Variants in ENTREP2 observed in about 807,000 individuals in gnomAD.
ENTREP2 encodes protein ENTREP2.
At chr15:29,192,252 T>C in the ENTREP2 span, among the ~76,000 whole-genome samples, 1 of 152,142 alleles carries the variant, frequency 6.6e-6, no homozygotes, top group Non-Finnish European at 1.5e-5. Context: ...TTGGCTGACT[T>C]TCAGATTTTT....
chr15:29,370,666 C>G, the ENTREP2 span, among the ~76,000 whole-genome samples: 2 of 152,066 alleles, frequency 1.3e-5, no homozygotes, highest in African/African-American at 2.4e-5. Flanking sequence ...TACCCCGGCC[C>G]TATGCCAAGA....
the ENTREP2 span, among the ~76,000 whole-genome samples, chr15:29,539,023 T>C: frequency 6.6e-6 from 1 of 152,222 alleles, no homozygotes; most frequent in Non-Finnish European, 1.5e-5. Flanking sequence ...CAGCTGCACC[T>C]TCCCTGCTGG....
chr15:29,310,754 A>T, the ENTREP2 span, among the ~76,000 whole-genome samples: 2 of 152,184 alleles, frequency 1.3e-5, no homozygotes, highest in African/African-American at 4.8e-5. Flanking sequence ...AGAAACATCA[A>T]CCCAGACGCC....
At chr15:29,285,160 G>A in the ENTREP2 span, among the ~76,000 whole-genome samples, 1 of 152,174 alleles carries the variant, frequency 6.6e-6, no homozygotes, top group Non-Finnish European at 1.5e-5. Flanking sequence ...ACGCTGGAGT[G>A]GGGGCTCTTT....
At chr15:29,382,837 C>T in the ENTREP2 span, among the ~76,000 whole-genome samples, 2 of 152,178 alleles carry the variant, frequency 1.3e-5, no homozygotes, top group African/African-American at 4.8e-5. Flanking sequence ...ACAGTCACTT[C>T]CCACCCACTA....
the ENTREP2 span, among the ~76,000 whole-genome samples, chr15:29,438,368 G>GA: frequency 6.6e-6 from 1 of 152,210 alleles, no homozygotes; most frequent in Non-Finnish European, 1.5e-5. Context: ...TGTGCAAAAC[G>GA]AAAGCAGAGC....
the ENTREP2 span, among the ~76,000 whole-genome samples, chr15:29,322,604 A>G: frequency 6.6e-6 from 1 of 152,260 alleles, no homozygotes; most frequent in Admixed American, 6.5e-5. Context: ...AGCTAAAGAT[A>G]AAAGGCCAGA....
At chr15:29,407,321 A>T in the ENTREP2 span, among the ~76,000 whole-genome samples, 1 of 152,124 alleles carries the variant, frequency 6.6e-6, no homozygotes, top group Non-Finnish European at 1.5e-5. Flanking sequence ...ATCTCATGGG[A>T]CCACCATTGT....
At chr15:29,145,622 C>CAAAA in the ENTREP2 span, among the ~76,000 whole-genome samples, 1,506 of 56,158 alleles carry the variant, frequency 0.027, 117 homozygotes, top group African/African-American at 0.081. Context: ...GACTCCATCT[C>CAAAA]AAAAAAAAAA....
chr15:29,211,449 C>T, the ENTREP2 span, among the ~76,000 whole-genome samples: 82 of 152,310 alleles, frequency 5.4e-4, 1 homozygote, highest in Admixed American at 9.2e-4. Context: ...TAGGACAAAT[C>T]GTTTTCAGAA....
chr15:29,156,866 G>A, the ENTREP2 span, among the ~76,000 whole-genome samples: 4 of 152,114 alleles, frequency 2.6e-5, no homozygotes, highest in Admixed American at 6.5e-5. Context: ...CATGCGAGGC[G>A]GGAGGATCAC....
At chr15:29,657,904 A>G in the ENTREP2 span, among the ~76,000 whole-genome samples, 1 of 152,192 alleles carries the variant, frequency 6.6e-6, no homozygotes, top group South Asian at 2.1e-4. Context: ...CTCAGCAGTA[A>G]AAAAGGAATG....
the ENTREP2 span, among the ~76,000 whole-genome samples, chr15:29,296,784 G>A: frequency 6.6e-6 from 1 of 152,102 alleles, no homozygotes; most frequent in Non-Finnish European, 1.5e-5. Flanking sequence ...GAGAGAATTG[G>A]TCAAATCAGA....
At chr15:29,253,151 T>C in the ENTREP2 span, among the ~76,000 whole-genome samples, 3 of 152,228 alleles carry the variant, frequency 2.0e-5, no homozygotes, top group African/African-American at 2.4e-5. Context: ...ATTTCCCTAA[T>C]TGTCTAAATT....
the ENTREP2 span, among the ~76,000 whole-genome samples, chr15:29,624,028 G>A: frequency 2.6e-5 from 4 of 152,286 alleles, no homozygotes; most frequent in Non-Finnish European, 2.9e-5. Flanking sequence ...GTGAGCCACC[G>A]CACCAGGCTT....
chr15:29,196,492 C>T, the ENTREP2 span: 4 of 1,551,614 alleles, frequency 2.6e-6, no homozygotes, highest in Admixed American at 2.0e-5. Flanking sequence ...AGCGTCTCCC[C>T]GAGGTTGCTG....
At chr15:29,479,993 A>G in the ENTREP2 span, among the ~76,000 whole-genome samples, 1 of 151,198 alleles carries the variant, frequency 6.6e-6, no homozygotes, top group Non-Finnish European at 1.5e-5. Flanking sequence ...TATATCCCCT[A>G]CTCTTGGATT....
chr15:29,594,054 A>AT, the ENTREP2 span, among the ~76,000 whole-genome samples: 14 of 151,882 alleles, frequency 9.2e-5, no homozygotes, highest in East Asian at 1.9e-4. Context: ...CTTCCTGCAC[A>AT]TTTTTTTTGC....
At chr15:29,194,501 T>C in the ENTREP2 span, among the ~76,000 whole-genome samples, 2 of 152,216 alleles carry the variant, frequency 1.3e-5, no homozygotes, top group Non-Finnish European at 2.9e-5. Flanking sequence ...CTCTTACCAG[T>C]GTCCTGGGCA....
Sources: gnomAD v4.1 joint callset for allele counts (sites outside exome capture counted in the v4.1 genomes callset) on GRCh38, gnomAD v4.1.1 for gene constraint, MANE v1.5 for transcripts, NCBI Gene and HGNC (gene_info 2026-07-23, HGNC 2026-07-21) for gene names.